Variants in PPARGC1A observed in about 807,000 individuals in gnomAD.
PPARGC1A encodes peroxisome proliferator-activated receptor gamma coactivator 1-alpha.
A neutral mutation model predicts 88.7 loss-of-function variants in PPARGC1A; 25 were observed. The observed-to-expected ratio is 0.28, with a 90% CI of 0.21 to 0.39. The LOEUF (loss-of-function observed/expected upper bound fraction) is 0.39. Ranked by LOEUF, PPARGC1A falls within the 10% of genes least tolerant of loss-of-function variation. The pLI is 1.00. For synonymous variants in PPARGC1A, 363 were observed against 355.6 expected (o/e 1.02, Z -0.24); for missense variants, 880 against 968.7 (o/e 0.91, Z 1.22).
the PPARGC1A span, among the ~76,000 whole-genome samples, chr4:24,337,367 T>C: frequency 6.6e-6 from 1 of 152,220 alleles, no homozygotes; most frequent in Non-Finnish European, 1.5e-5. Flanking sequence ...AGTAGTTATT[T>C]GCCAGGCCCT....
At chr4:24,321,711 A>G in the PPARGC1A span, among the ~76,000 whole-genome samples, 1 of 152,250 alleles carries the variant, frequency 6.6e-6, no homozygotes, top group African/African-American at 2.4e-5. Flanking sequence ...TGATTTAGTC[A>G]TAATGTGTGA....
the PPARGC1A span, among the ~76,000 whole-genome samples, chr4:24,241,256 G>C: frequency 6.6e-6 from 1 of 151,962 alleles, no homozygotes; most frequent in East Asian, 1.9e-4. Flanking sequence ...CAAACAAAAA[G>C]CTTAGAAAAT....
chr4:23,910,242 TATAA>T, the PPARGC1A span, among the ~76,000 whole-genome samples: 24 of 105,306 alleles, frequency 2.3e-4, no homozygotes, highest in Admixed American at 4.4e-4. Context: ...ATATAATATA[TATAA>T]ATATATATTA....
chr4:24,412,842 T>C, the PPARGC1A span, among the ~76,000 whole-genome samples: 1 of 152,190 alleles, frequency 6.6e-6, no homozygotes, highest in Non-Finnish European at 1.5e-5. Context: ...GGCTGCTTTT[T>C]TGCTGTGCCA....
chr4:24,148,000 T>G, the PPARGC1A span, among the ~76,000 whole-genome samples: 3 of 151,982 alleles, frequency 2.0e-5, no homozygotes, highest in African/African-American at 7.3e-5. Flanking sequence ...AGAAATGAGG[T>G]AGAGTATGGC....
At chr4:23,864,738 G>GCA in intron 2 of PPARGC1A, among the ~76,000 whole-genome samples, 1 of 152,322 alleles carries the variant, frequency 6.6e-6, no homozygotes, top group African/African-American at 2.4e-5. Flanking sequence ...TAGGCAACCT[G>GCA]GTGTGTGCTG....
chr4:24,412,924 C>T, the PPARGC1A span, among the ~76,000 whole-genome samples: 69 of 152,292 alleles, frequency 4.5e-4, no homozygotes, highest in African/African-American at 1.5e-3. Flanking sequence ...TGGCACTTTT[C>T]AGAAATAGTT....
At chr4:23,839,000 A>G (rs1577460356) in intron 2 of PPARGC1A, among the ~76,000 whole-genome samples, 2 of 152,334 alleles carry the variant, frequency 1.3e-5, no homozygotes, top group East Asian at 3.9e-4. Flanking sequence ...TCCTGTAAAA[A>G]TAAAATAAGA....
chr4:23,897,666 G>A (rs115330870), intron 1 of PPARGC1A, among the ~76,000 whole-genome samples: 1,589 of 152,104 alleles, frequency 0.01, 23 homozygotes, highest in African/African-American at 0.036. Context: ...TGCTGAAAGA[G>A]CACAGCTTCA....
chr4:24,387,790 A>C, the PPARGC1A span, among the ~76,000 whole-genome samples: 7 of 100,600 alleles, frequency 7.0e-5, 1 homozygote, highest in Admixed American at 8.1e-4. Flanking sequence ...GAAAGAAAGA[A>C]AGAAAGAAAG....
chr4:24,409,223 T>A, the PPARGC1A span, among the ~76,000 whole-genome samples: 1 of 152,234 alleles, frequency 6.6e-6, no homozygotes, highest in Non-Finnish European at 1.5e-5. Context: ...GTGTATGTGG[T>A]AGGCATCACA....
chr4:23,915,797 C>G, the PPARGC1A span, among the ~76,000 whole-genome samples: 8 of 152,236 alleles, frequency 5.3e-5, no homozygotes, highest in South Asian at 4.1e-4. Context: ...AGACAATAGC[C>G]TGACAATTCA....
chr4:24,083,623 C>T, the PPARGC1A span, among the ~76,000 whole-genome samples: 1 of 152,134 alleles, frequency 6.6e-6, no homozygotes, highest in African/African-American at 2.4e-5. Flanking sequence ...TCTCTCCCAG[C>T]CTCTAAGCCA....
chr4:24,313,975 T>G, the PPARGC1A span, among the ~76,000 whole-genome samples: 7 of 152,234 alleles, frequency 4.6e-5, no homozygotes, highest in Non-Finnish European at 8.8e-5. Flanking sequence ...TGTATCAACT[T>G]GGATAGGCTT....
the PPARGC1A span, among the ~76,000 whole-genome samples, chr4:24,142,074 T>A: frequency 1.3e-5 from 2 of 152,204 alleles, no homozygotes; most frequent in African/African-American, 2.4e-5. Flanking sequence ...TAGTGCCACA[T>A]ACATGGAACA....
At chr4:24,224,741 A>T in the PPARGC1A span, among the ~76,000 whole-genome samples, 1 of 152,144 alleles carries the variant, frequency 6.6e-6, no homozygotes, top group African/African-American at 2.4e-5. Context: ...AAACAAACAA[A>T]ACATGAGATC....
chr4:24,436,760 G>A, the PPARGC1A span, among the ~76,000 whole-genome samples: 5 of 134,264 alleles, frequency 3.7e-5, no homozygotes, highest in Admixed American at 1.5e-4. Flanking sequence ...AGCTGACATC[G>A]ATTGGCCACC....
chr4:24,311,383 G>A, the PPARGC1A span, among the ~76,000 whole-genome samples: 46,209 of 147,590 alleles, frequency 0.31, 8,280 homozygotes, highest in Non-Finnish European at 0.41. Flanking sequence ...TTACAGGCGT[G>A]AGCCACCATG....
the PPARGC1A span, among the ~76,000 whole-genome samples, chr4:23,924,279 G>C: frequency 6.6e-6 from 1 of 152,016 alleles, no homozygotes; most frequent in African/African-American, 2.4e-5. Flanking sequence ...CCCTTTTTTG[G>C]GGGGACTGTC....
Sources: gnomAD v4.1 joint callset for allele counts (sites outside exome capture counted in the v4.1 genomes callset) on GRCh38, gnomAD v4.1.1 for gene constraint, MANE v1.5 for transcripts, NCBI Gene and HGNC (gene_info 2026-07-23, HGNC 2026-07-21) for gene names.